The following EPG5 variants were observed in gnomAD, a reference collection of about 807,000 sequenced individuals.
EPG5 encodes ectopic P-granules 5 autophagy tethering factor.
A neutral mutation model predicts 302.7 loss-of-function variants in EPG5; 159 were observed. The observed-to-expected ratio is 0.53, with a 90% CI of 0.46 to 0.60. The LOEUF (loss-of-function observed/expected upper bound fraction) is 0.60, where lower values mean the gene tolerates loss of function less well. Ranked by LOEUF, EPG5 falls within the 20% of genes least tolerant of loss-of-function variation. The pLI is 0.00. For missense variants in EPG5, 2,896 were observed against 3,092.4 expected (o/e 0.94, Z 1.51); for synonymous variants, 1,158 against 1,136.8 (o/e 1.02, Z -0.37).
chr18:45,808,308 G>C, the EPG5 span, among the ~76,000 whole-genome samples: 1 of 152,142 alleles, frequency 6.6e-6, no homozygotes, highest in Non-Finnish European at 1.5e-5. Context: ...ACCTATTTGG[G>C]GGAATAATCA....
At chr18:45,836,099 T>G in the EPG5 span, among the ~76,000 whole-genome samples, 1 of 152,210 alleles carries the variant, frequency 6.6e-6, no homozygotes, top group Non-Finnish European at 1.5e-5. Context: ...GAGGATGGTC[T>G]GCCAGCGATG....
chr18:45,894,008 G>A (rs1440926845), intron 27 of EPG5, among the ~76,000 whole-genome samples: 1 of 152,158 alleles, frequency 6.6e-6, no homozygotes, highest in African/African-American at 2.4e-5. Flanking sequence ...ATGAGGCACT[G>A]ATGATACAAA....
rs1238607330 is a variant in EPG5, at chr18:45,850,192, T to A, written c.*2275A>T. On this transcript the variant is annotated 3_prime_UTR_variant, in exon 44 of 44. Coordinates refer to ENST00000282041, the MANE Select transcript of EPG5 (RefSeq NM_020964.3). ...TGCAGCCGTTCGCCCTCCACGCTGC[T>A]CAGTCCACAGGGCCTTGGTCTTGCT... The A allele has an allele frequency of 6.6e-6, 1 of 152,438 alleles. No individual in the cohort carries two copies. The allele number at this position is 152,438 out of a possible 1,614,324, so 9.4% of individuals were successfully genotyped here.
intron 23 of EPG5, among the ~76,000 whole-genome samples, chr18:45,909,898 A>G (rs1355123569): frequency 6.6e-6 from 1 of 152,158 alleles, no homozygotes; most frequent in Non-Finnish European, 1.5e-5. Context: ...GTGCACTATG[A>G]TCGTCTCACT....
chr18:45,804,789 G>A, the EPG5 span, among the ~76,000 whole-genome samples: 1 of 152,084 alleles, frequency 6.6e-6, no homozygotes, highest in South Asian at 2.1e-4. Flanking sequence ...TAGACATGAA[G>A]AACATCAAAA....
At chr18:45,819,479 AC>A in the EPG5 span, among the ~76,000 whole-genome samples, 14 of 152,316 alleles carry the variant, frequency 9.2e-5, no homozygotes, top group East Asian at 1.7e-3. Context: ...GAAAGGAAAC[AC>A]AGCTGGGGAG....
At position 45,922,339 on chromosome 18, in the gene EPG5, A is replaced by G. The variant is rs1599578081; in HGVS notation, c.3098+2T>C. The G allele has an allele frequency of 6.2e-7, 1 of 1,614,156 alleles. No homozygotes were observed. Among genetic ancestry groups the G allele is most frequent in the Non-Finnish European group, 8.5e-7 (1 of 1,180,014 alleles). ...CCCTAGTGGTTCAGCCCAACACTGT[A>G]CCTGTGGCCCACAGCTGTCATAGAT... On this transcript the variant is annotated splice_donor_variant, in intron 16 of 43. Transcript: ENST00000282041. LOFTEE classifies it high-confidence loss of function.
intron 31 of EPG5, among the ~76,000 whole-genome samples, chr18:45,881,350 G>A (rs1297778195): frequency 6.6e-6 from 1 of 152,202 alleles, no homozygotes; most frequent in Non-Finnish European, 1.5e-5. Flanking sequence ...ATTGGCATTT[G>A]TACAAATGTA....
At chr18:45,961,858 C>CA (rs369369860) in intron 1 of EPG5, among the ~76,000 whole-genome samples, 15,558 of 98,312 alleles carry the variant, frequency 0.16, 1,101 homozygotes, top group African/African-American at 0.26. Context: ...GACTCTGTCC[C>CA]AAAAAAAAAA....
chr18:45,909,348 A>T (rs1359906036), intron 23 of EPG5, among the ~76,000 whole-genome samples: 5 of 152,212 alleles, frequency 3.3e-5, no homozygotes, highest in African/African-American at 1.2e-4. Context: ...TCACAGAGAA[A>T]GCCGTCCACT....
At chr18:45,842,426 T>C in the EPG5 span, 3 of 464,588 alleles carry the variant, frequency 6.5e-6, no homozygotes, top group African/African-American at 3.0e-5. Flanking sequence ...CATACGTCTG[T>C]GTGTGTGTGT....
intron 31 of EPG5, among the ~76,000 whole-genome samples, chr18:45,881,146 G>A (rs1025257612): frequency 1.3e-5 from 2 of 152,316 alleles, no homozygotes; most frequent in Middle Eastern, 3.4e-3. Flanking sequence ...CATGACATCT[G>A]AGAGGTATCA....
chr18:45,841,679 G>A, the EPG5 span, among the ~76,000 whole-genome samples: 1 of 152,176 alleles, frequency 6.6e-6, no homozygotes, highest in African/African-American at 2.4e-5. Flanking sequence ...CCTGAGCCCT[G>A]GGTCCCACTT....
At chr18:45,946,380 C>G (rs1023760575) in intron 7 of EPG5, among the ~76,000 whole-genome samples, 1 of 152,266 alleles carries the variant, frequency 6.6e-6, no homozygotes, top group Admixed American at 6.5e-5. Flanking sequence ...ATTCTCCCAG[C>G]TGAACAGAAT....
the EPG5 span, among the ~76,000 whole-genome samples, chr18:45,812,786 A>T: frequency 6.6e-6 from 1 of 152,170 alleles, no homozygotes; most frequent in East Asian, 1.9e-4. Context: ...GATTAAAGAC[A>T]TAAAAGTTAG....
At chr18:45,934,647 C>T (rs2050476893) in intron 11 of EPG5, among the ~76,000 whole-genome samples, 162 bp downstream of exon 11, 1 of 152,338 alleles carries the variant, frequency 6.6e-6, no homozygotes, top group East Asian at 1.9e-4. Context: ...CTATTTAATA[C>T]ATCAAAACTG....
At chr18:45,834,479 C>T in the EPG5 span, among the ~76,000 whole-genome samples, 3 of 152,172 alleles carry the variant, frequency 2.0e-5, no homozygotes, top group Non-Finnish European at 4.4e-5. Flanking sequence ...CTCAGGGAAG[C>T]CCCCTGCTGT....
chr18:45,800,871 A>G, the EPG5 span, among the ~76,000 whole-genome samples: 114,937 of 152,152 alleles, frequency 0.76, 44,659 homozygotes, highest in African/African-American at 0.93. Flanking sequence ...AAGCCTCTTA[A>G]AAGGTGAGCG....
At chr18:45,817,094 A>G in the EPG5 span, among the ~76,000 whole-genome samples, 6 of 152,294 alleles carry the variant, frequency 3.9e-5, no homozygotes, top group East Asian at 1.9e-4. Context: ...TAACTACACA[A>G]TGAATTTTGG....
Sources: allele counts gnomAD v4.1 joint callset (sites outside exome capture counted in the v4.1 genomes callset), GRCh38; gene constraint gnomAD v4.1.1; transcripts MANE v1.5; gene names NCBI Gene and HGNC (gene_info 2026-07-23, HGNC 2026-07-21).